ESR1: variants seen among roughly 807,000 people sequenced by gnomAD.
ESR1 encodes estrogen receptor 1.
A neutral mutation model predicts 52.7 loss-of-function variants in ESR1; 12 were observed. That is an observed-to-expected ratio of 0.23 (90% CI 0.15 to 0.37). The LOEUF is 0.37. ESR1 is among the 10% of genes least tolerant of loss of function. ESR1 has a pLI of 1.00. For missense variants in ESR1, 584 were observed against 779.7 expected (o/e 0.75, Z 2.99); for synonymous variants, 305 against 316.8 (o/e 0.96, Z 0.39).
intron 3 of ESR1, among the ~76,000 whole-genome samples, chr6:151,933,768 C>A (rs2034006685): frequency 1.3e-5 from 2 of 152,196 alleles, no homozygotes; most frequent in African/African-American, 4.8e-5. Context: ...TTGTTTATCT[C>A]TTTCCTGACA....
chr6:151,801,391 A>G (rs1427846797), upstream of ESR1, among the ~76,000 whole-genome samples: 2 of 152,204 alleles, frequency 1.3e-5, no homozygotes, highest in Admixed American at 1.3e-4. Flanking sequence ...TGTAAGATAA[A>G]AGTTACTAAA....
chr6:152,086,094 G>A (rs2049692296), intron 6 of ESR1, among the ~76,000 whole-genome samples: 2 of 152,178 alleles, frequency 1.3e-5, no homozygotes, highest in Non-Finnish European at 2.9e-5. Context: ...TCACCCCAGT[G>A]GGACTAGAAG....
intron 5 of ESR1, among the ~76,000 whole-genome samples, chr6:152,012,845 G>A (rs1584806260): frequency 6.6e-6 from 1 of 152,196 alleles, no homozygotes; most frequent in East Asian, 1.9e-4. Context: ...GCTGCCCACA[G>A]TGCATCTCTG....
intron 3 of ESR1, among the ~76,000 whole-genome samples, chr6:151,897,322 C>T (rs1355142394): frequency 6.6e-6 from 1 of 152,136 alleles, no homozygotes; most frequent in Non-Finnish European, 1.5e-5. Context: ...TGTCTCATTA[C>T]TTAGGTGTAG....
At chr6:151,894,863 T>C (rs571787379) in intron 3 of ESR1, among the ~76,000 whole-genome samples, 1 of 152,328 alleles carries the variant, frequency 6.6e-6, no homozygotes, top group African/African-American at 2.4e-5. Context: ...TTACTTTGGC[T>C]ATGTGGGCTC....
At chr6:151,949,936 C>T (rs2036146882) in intron 4 of ESR1, among the ~76,000 whole-genome samples, 1 of 152,220 alleles carries the variant, frequency 6.6e-6, no homozygotes, top group Non-Finnish European at 1.5e-5. Flanking sequence ...CCTGTGTCCC[C>T]ACCCAAATTT....
At chr6:151,807,038 T>C (rs1777987159), upstream of ESR1, among the ~76,000 whole-genome samples, 1 of 152,132 alleles carries the variant, frequency 6.6e-6, no homozygotes, top group East Asian at 1.9e-4. Context: ...GGGAGCATTT[T>C]GCAGAGGAAG....
chr6:152,056,424 T>G (rs779037169), intron 5 of ESR1, among the ~76,000 whole-genome samples: 2 of 152,212 alleles, frequency 1.3e-5, no homozygotes, highest in African/African-American at 2.4e-5. Flanking sequence ...ATCAGTTTCC[T>G]TTTATATAAA....
chr6:152,079,468 C>A (rs1296640615), intron 6 of ESR1, among the ~76,000 whole-genome samples: 2 of 152,094 alleles, frequency 1.3e-5, no homozygotes, highest in Non-Finnish European at 1.5e-5. Flanking sequence ...ACATCCACAC[C>A]AAAACCCCAT....
chr6:151,960,719 C>T (rs1584488241), intron 4 of ESR1, among the ~76,000 whole-genome samples: 1 of 152,300 alleles, frequency 6.6e-6, no homozygotes, highest in South Asian at 2.1e-4. Context: ...CAAGTGTTCT[C>T]TTTGTCTACT....
rs1781967905 is a variant in ESR1 at position 151,829,078 on chromosome 6, C to T, written c.453-13519C>T. Among the ~76,000 whole-genome samples the T allele has an allele frequency of 2.0e-5, 3 of 152,222 alleles. No homozygotes were observed. The South Asian group carries it at 6.2e-4, about 31-fold the overall frequency. On this transcript the variant is annotated intron_variant, in intron 1 of 7. Transcript: ENST00000206249. ...GATTATGTTTAAGAATTCGGCCTTG[C>T]CACTGTTGAAGTTGTTCTGTGGAAA... is the stretch of plus-strand genomic sequence containing the variant.
intron 2 of ESR1, among the ~76,000 whole-genome samples, chr6:151,718,204 C>T (rs1463740529): frequency 1.3e-5 from 2 of 152,036 alleles, no homozygotes; most frequent in African/African-American, 4.8e-5. Context: ...TGAGAATACA[C>T]AAAAGATATA....
intron 1 of ESR1, among the ~76,000 whole-genome samples, chr6:151,668,689 A>C (rs897337475): frequency 1.3e-5 from 2 of 152,134 alleles, no homozygotes; most frequent in African/African-American, 2.4e-5. Flanking sequence ...ATACTATCGC[A>C]CTGGCAACTC....
At chr6:152,106,983 G>T (rs566744358), downstream of ESR1, among the ~76,000 whole-genome samples, 91 of 152,230 alleles carry the variant, frequency 6.0e-4, 1 homozygote, top group African/African-American at 2.0e-3. Flanking sequence ...CCCATGTTTT[G>T]ATGCTCACCT....
intron 1 of ESR1, among the ~76,000 whole-genome samples, chr6:151,695,402 T>C (rs1212725555): frequency 6.6e-6 from 1 of 152,160 alleles, no homozygotes; most frequent in Middle Eastern, 3.2e-3. Context: ...TTGACAATCC[T>C]AGAGAGCTTA....
chr6:152,090,390 C>T (rs2050083561), intron 6 of ESR1, among the ~76,000 whole-genome samples: 1 of 152,230 alleles, frequency 6.6e-6, no homozygotes, highest in African/African-American at 2.4e-5. Flanking sequence ...GGTCTGCTGT[C>T]ACATCCTTCC....
chr6:151,937,356 T>C (rs1388684632), intron 3 of ESR1, among the ~76,000 whole-genome samples: 1 of 152,120 alleles, frequency 6.6e-6, no homozygotes. Flanking sequence ...TTTCAGAGTA[T>C]AGTTAATTCC....
intron 1 of ESR1, among the ~76,000 whole-genome samples, chr6:151,658,714 T>C (rs1337706975): frequency 2.0e-5 from 3 of 152,202 alleles, no homozygotes; most frequent in African/African-American, 7.2e-5. Flanking sequence ...GCACCTTCTA[T>C]ATTCTGGGCA....
chr6:152,053,987 C>T lies in ESR1; in HGVS notation c.1236-7004C>T, dbSNP rs193074340. On this transcript the variant is annotated intron_variant, in intron 5 of 7. Coordinates refer to ENST00000206249, the MANE Select transcript of ESR1 (RefSeq NM_000125.4). The surrounding 1 kb of genome is among the most constrained non-coding windows in gnomAD (Gnocchi z 4.1). Reference sequence around the variant, plus strand: ...TGCCTATAATCAGAGCAGTTAAATACATATGAACACAGTGAAATACCAGGC... The same window carrying T: ...TGCCTATAATCAGAGCAGTTAAATATATATGAACACAGTGAAATACCAGGC... Among the ~76,000 whole-genome samples the T allele has an allele frequency of 3.7e-4, 56 of 151,974 alleles. No homozygotes were observed. Among genetic ancestry groups the T allele is most frequent in the African/African-American group, 1.4e-3 (56 of 41,436 alleles).
Sources: gnomAD v4.1 joint callset for allele counts (sites outside exome capture counted in the v4.1 genomes callset) on GRCh38, gnomAD v4.1.1 for gene constraint, Gnocchi (gnomAD v3.1) non-coding constraint, MANE v1.5 for transcripts, NCBI Gene and HGNC (gene_info 2026-07-23, HGNC 2026-07-21) for gene names.